VPS13B: variants seen among roughly 807,000 people sequenced by gnomAD.
VPS13B encodes the protein intermembrane lipid transfer protein VPS13B.
Under a neutral mutation model 426.4 loss-of-function variants are expected in VPS13B, and 285 were observed. That is an observed-to-expected ratio of 0.67 (90% CI 0.61 to 0.74). The LOEUF (loss-of-function observed/expected upper bound fraction) is 0.74. VPS13B is among the 30% of genes least tolerant of loss of function. The pLI is 0.00. For missense variants in VPS13B, 4,537 were observed against 4,782.6 expected (o/e 0.95, Z 1.51); for synonymous variants, 1,676 against 1,676.4 (o/e 1.00, Z 0.01).
intron 15 of VPS13B, among the ~76,000 whole-genome samples, chr8:99,157,882 G>T (rs1327643334): frequency 6.6e-6 from 1 of 152,196 alleles, no homozygotes; most frequent in Non-Finnish European, 1.5e-5. Context: ...AAGTTTGAGT[G>T]GTCCAGATAG....
intron 21 of VPS13B, among the ~76,000 whole-genome samples, chr8:99,394,323 C>A (rs543562433): frequency 6.6e-6 from 1 of 152,190 alleles, no homozygotes; most frequent in South Asian, 2.1e-4. Flanking sequence ...ATACAAAGAC[C>A]TGCTGATACT....
chr8:99,135,355 A>G (rs1415529357), intron 10 of VPS13B, among the ~76,000 whole-genome samples: 1 of 152,062 alleles, frequency 6.6e-6, no homozygotes, highest in East Asian at 1.9e-4. Context: ...AGTTCCAACT[A>G]CTTTCTTATT....
chr8:99,786,772 G>A (rs150368347), intron 43 of VPS13B, among the ~76,000 whole-genome samples: 6 of 152,098 alleles, frequency 3.9e-5, no homozygotes, highest in African/African-American at 7.2e-5. Context: ...TATAAAAAAC[G>A]ACGTCTTCTT....
chr8:99,584,304 A>G (rs968819479), intron 33 of VPS13B, among the ~76,000 whole-genome samples: 1 of 152,228 alleles, frequency 6.6e-6, no homozygotes, highest in African/African-American at 2.4e-5. Flanking sequence ...GTGCTGAGAC[A>G]GGAAAACACC....
chr8:99,207,120 C>A (rs1479134844), intron 17 of VPS13B, among the ~76,000 whole-genome samples: 2 of 152,050 alleles, frequency 1.3e-5, no homozygotes, highest in Non-Finnish European at 2.9e-5. Flanking sequence ...TTTAAAGTTT[C>A]CATTTTACTA....
intron 25 of VPS13B, among the ~76,000 whole-genome samples, chr8:99,484,144 T>G (rs1355676259): frequency 1.3e-5 from 2 of 152,112 alleles, no homozygotes; most frequent in African/African-American, 4.8e-5. Context: ...GAATAGTATC[T>G]TCATCAGCCA....
chr8:99,185,161 T>C (rs941103736), intron 16 of VPS13B, among the ~76,000 whole-genome samples: 4 of 152,262 alleles, frequency 2.6e-5, no homozygotes, highest in African/African-American at 9.6e-5. Flanking sequence ...TGTTGTTTAC[T>C]CATATCAAGT....
intron 3 of VPS13B, among the ~76,000 whole-genome samples, chr8:99,079,206 T>G (rs561595537): frequency 1.3e-5 from 2 of 152,190 alleles, no homozygotes; most frequent in Admixed American, 6.5e-5. Flanking sequence ...AGCGGTGGGT[T>G]GGGTGTGCCT....
intron 43 of VPS13B, among the ~76,000 whole-genome samples, chr8:99,801,884 G>T (rs1025984608): frequency 7.2e-5 from 11 of 152,152 alleles, no homozygotes; most frequent in African/African-American, 2.7e-4. Flanking sequence ...GTACAGTGGT[G>T]CATGTCTGCA....
At chr8:99,836,795 C>T (rs1315489322) in intron 54 of VPS13B, among the ~76,000 whole-genome samples, 2 of 152,194 alleles carry the variant, frequency 1.3e-5, no homozygotes, top group Admixed American at 6.5e-5. Context: ...TTACACCATA[C>T]GAGGCATTGT....
chr8:99,502,788 A>G (rs1051810346), intron 26 of VPS13B, 48 bp from the exon 27 acceptor site: 1 of 1,351,208 alleles, frequency 7.4e-7, no homozygotes, highest in Non-Finnish European at 1.1e-6. Context: ...AAGTTTTAAT[A>G]TTAATTGTGA....
At position 99,647,240 on chromosome 8, in the gene VPS13B, A is replaced by T. The variant is rs1350231878; in HGVS notation, c.5908+4742A>T. ...ATGTTCCTTTATATAGAAATCATAT[A>T]AAAAAAGGATTTTGTTTTACTCTTT... On this transcript the variant is annotated intron_variant, in intron 34 of 61. Coordinates refer to ENST00000357162, the MANE Select transcript of VPS13B (RefSeq NM_152564.5). Among the ~76,000 whole-genome samples, 4 of 152,136 alleles carry T rather than the reference A, an allele frequency of 2.6e-5. No homozygotes were observed. The East Asian group carries it at 5.8e-4, about 22-fold the overall frequency.
In VPS13B at chr8:99,817,685, C is replaced by T. The variant is rs180177370; in HGVS notation, c.8243C>T (p.Ser2748Leu). ...DCLTAKQKLP[S>L]YILENNELTE... ...CTCACAGCCAAACAGAAATTGCCTT[C>T]GTACATACTAGAAAACAATGAACTG... Residue 2748 changes from serine (S) to leucine (L), a missense_variant, in exon 45 of 62, where the codon TCG becomes TTG. Physicochemically the swap from Ser to Leu is moderately radical, Grantham distance 145 (BLOSUM62 -2). Around this residue, in one of 2 missense-constraint regions of VPS13B, gnomAD observed 4,311 missense variants for 4,474.3 expected, o/e 0.96. Coordinates refer to ENST00000357162, the MANE Select transcript of VPS13B (RefSeq NM_152564.5). 9.3e-6 allele frequency: 15 copies of T among 1,614,014 alleles called. No homozygotes were observed. The highest frequency in any genetic ancestry group is 1.2e-5 in the Non-Finnish European group (14 of 1,179,990).
intron 4 of VPS13B, among the ~76,000 whole-genome samples, chr8:99,102,079 A>C (rs938642789): frequency 6.6e-6 from 1 of 152,174 alleles, no homozygotes; most frequent in Admixed American, 6.5e-5. Context: ...ACACACTTAC[A>C]TGAGAAACAT....
At chr8:99,440,075 T>C (rs1194441112) in intron 22 of VPS13B, among the ~76,000 whole-genome samples, 1 of 152,156 alleles carries the variant, frequency 6.6e-6, no homozygotes, top group Non-Finnish European at 1.5e-5. Flanking sequence ...GTGGTTCCAC[T>C]TCAAGAATTT....
At chr8:99,180,705 A>G (rs1812902224) in intron 16 of VPS13B, among the ~76,000 whole-genome samples, 1 of 152,150 alleles carries the variant, frequency 6.6e-6, no homozygotes, top group South Asian at 2.1e-4. Flanking sequence ...GTAGAAATAG[A>G]TATAGTTCAT....
intron 33 of VPS13B, among the ~76,000 whole-genome samples, chr8:99,606,611 T>C (rs113717556): frequency 0.029 from 4,385 of 149,110 alleles, 87 homozygotes; most frequent in East Asian, 0.056. Flanking sequence ...CCTTTTGTTT[T>C]CTTTTTCTTT....
chr8:99,119,811 T>A (rs1256963740), intron 7 of VPS13B, among the ~76,000 whole-genome samples: 2 of 152,162 alleles, frequency 1.3e-5, no homozygotes, highest in African/African-American at 4.8e-5. Flanking sequence ...TGTGTATTTA[T>A]AGATTTATCA....
intron 25 of VPS13B, among the ~76,000 whole-genome samples, chr8:99,491,712 C>A (rs1485127750): frequency 6.6e-6 from 1 of 152,180 alleles, no homozygotes; most frequent in African/African-American, 2.4e-5. Flanking sequence ...TCAGCTCCAT[C>A]AGGTCATTTA....
Sources: gnomAD v4.1 joint callset for allele counts (sites outside exome capture counted in the v4.1 genomes callset) on GRCh38, gnomAD v4.1.1 for gene constraint, gnomAD v4.1.1 regional missense constraint, MANE v1.5 for transcripts, NCBI Gene and HGNC (gene_info 2026-07-23, HGNC 2026-07-21) for gene names.